Variants in SMYD3 observed in about 807,000 individuals in gnomAD.
SMYD3 encodes the protein SET and MYND domain containing 3, also known as histone-lysine N-methyltransferase SMYD3.
SMYD3 carries 36 observed loss-of-function variants against 57.7 expected under a neutral mutation model. The observed-to-expected ratio is 0.62, with a 90% confidence interval of 0.48 to 0.82. SMYD3 has a LOEUF of 0.82. Ranked by LOEUF, SMYD3 falls within the 40% of genes least tolerant of loss-of-function variation. The probability of loss-of-function intolerance (pLI) is 0.00; values close to 1 mark genes in which losing one functional copy is unlikely to be tolerated. For synonymous variants in SMYD3, 211 were observed against 195.0 expected, an observed-to-expected ratio of 1.08 and a Z score of -0.68; for missense variants, 515 against 538.8, an observed-to-expected ratio of 0.96 and a Z score of 0.44.
rs2064355136 is a variant in SMYD3 at position 246,277,357 on chromosome 1, T to C, written c.531+49844A>G. 2.0e-5 allele frequency among the ~76,000 whole-genome samples: 3 copies of C among 152,092 alleles called. 1 individual carries two copies. The South Asian group carries it at 6.2e-4, about 32-fold the overall frequency. On this transcript the variant is annotated intron_variant, in intron 5 of 11. Transcript: ENST00000490107. ...TGGCTAAAATTAAAAAGAGACTACA[T>C]CAAATGCTGGTGAAGGTGCGGAGCA...
intron 5 of SMYD3, among the ~76,000 whole-genome samples, chr1:246,012,358 G>C (rs1045873519): frequency 2.0e-5 from 3 of 152,216 alleles, no homozygotes; most frequent in Non-Finnish European, 4.4e-5. Flanking sequence ...TAAATAAGTA[G>C]AGTTTCCACG....
intron 5 of SMYD3, among the ~76,000 whole-genome samples, chr1:246,052,076 T>G (rs2060075438): frequency 1.3e-5 from 2 of 152,192 alleles, no homozygotes; most frequent in African/African-American, 4.8e-5. Context: ...GATTATAAAC[T>G]GCAACATAAA....
intron 10 of SMYD3, among the ~76,000 whole-genome samples, chr1:245,824,688 T>C (rs879357454): frequency 6.6e-6 from 1 of 152,094 alleles, no homozygotes; most frequent in Non-Finnish European, 1.5e-5. Flanking sequence ...AAACCCTGTT[T>C]CTACTAAAAA....
intron 5 of SMYD3, among the ~76,000 whole-genome samples, chr1:246,161,744 A>G (rs1469499469): frequency 6.6e-6 from 1 of 152,220 alleles, no homozygotes; most frequent in Non-Finnish European, 1.5e-5. Context: ...CAATGACAGT[A>G]TATTTCAAAT....
chr1:246,465,882 G>T (rs1385674181), intron 1 of SMYD3, among the ~76,000 whole-genome samples: 1 of 152,032 alleles, frequency 6.6e-6, no homozygotes. Context: ...AGCAATTCTC[G>T]TGCGCCTGCC....
chr1:245,954,121 C>G (rs1045547245), intron 5 of SMYD3, among the ~76,000 whole-genome samples: 1 of 152,198 alleles, frequency 6.6e-6, no homozygotes, highest in South Asian at 2.1e-4. Context: ...AAATGCTCAG[C>G]GTCCTAAGGG....
At chr1:246,400,712 T>C (rs2066753169) in intron 1 of SMYD3, among the ~76,000 whole-genome samples, 1 of 152,126 alleles carries the variant, frequency 6.6e-6, no homozygotes, top group South Asian at 2.1e-4. Context: ...GTAGTTGAGA[T>C]ACAAGACTTG....
rs530671196 is a variant in SMYD3, at chr1:246,233,799, T to A, written c.531+93402A>T. ...AACGCTCCTTCAATTCACACTGTGA[T>A]GAACATATACCACACAGAGGAGAAG... On this transcript the variant is annotated intron_variant, in intron 5 of 11. Coordinates refer to ENST00000490107, the MANE Select transcript of SMYD3 (RefSeq NM_001167740.2). Among the ~76,000 whole-genome samples the A allele has an allele frequency of 2.4e-5, 3 of 126,388 alleles. No homozygotes were observed. The East Asian group carries it at 1.2e-3, about 51-fold the overall frequency. 82.9% of individuals were successfully genotyped at this position (126,388 alleles called of 152,430 possible).
chr1:246,304,251 A>C (rs923593796), intron 5 of SMYD3, among the ~76,000 whole-genome samples: 1 of 152,348 alleles, frequency 6.6e-6, no homozygotes, highest in Non-Finnish European at 1.5e-5. Flanking sequence ...ACTCCTATAT[A>C]GCACACGTAC....
chr1:246,080,282 A>T (rs974783384), intron 5 of SMYD3, among the ~76,000 whole-genome samples: 1 of 151,982 alleles, frequency 6.6e-6, no homozygotes, highest in African/African-American at 2.4e-5. Flanking sequence ...GCAGCACTGG[A>T]TTCTCATGGA....
At chr1:246,265,112 A>G (rs1490148286) in intron 5 of SMYD3, among the ~76,000 whole-genome samples, 1 of 152,158 alleles carries the variant, frequency 6.6e-6, no homozygotes, top group Non-Finnish European at 1.5e-5. Context: ...TTGACAATGG[A>G]TCAGACTGAA....
intron 5 of SMYD3, among the ~76,000 whole-genome samples, chr1:246,088,356 T>A (rs1464840658): frequency 2.0e-5 from 3 of 151,910 alleles, no homozygotes; most frequent in Non-Finnish European, 4.4e-5. Flanking sequence ...ACGCCTGTAA[T>A]CCCAGCACTT....
chr1:246,034,797 C>CT (rs1400110631), intron 5 of SMYD3, among the ~76,000 whole-genome samples: 1 of 152,136 alleles, frequency 6.6e-6, no homozygotes, highest in Non-Finnish European at 1.5e-5. Context: ...AGGACCGCGG[C>CT]AATCCTTAGT....
At chr1:245,753,505 G>A (rs2045481407) in intron 11 of SMYD3, among the ~76,000 whole-genome samples, 2 of 152,226 alleles carry the variant, frequency 1.3e-5, no homozygotes, top group South Asian at 2.1e-4. Flanking sequence ...TGGTGATGAG[G>A]ACATCTGGTC....
At chr1:246,267,273 A>G (rs779115771) in intron 5 of SMYD3, among the ~76,000 whole-genome samples, 4 of 152,252 alleles carry the variant, frequency 2.6e-5, no homozygotes, top group Non-Finnish European at 4.4e-5. Flanking sequence ...GCAAATGGTC[A>G]TGCATTAACA....
intron 7 of SMYD3, among the ~76,000 whole-genome samples, chr1:245,927,390 A>C (rs559358324): frequency 6.6e-6 from 1 of 152,372 alleles, no homozygotes; most frequent in African/African-American, 2.4e-5. Flanking sequence ...ATCTTTGCTG[A>C]AATGATCACC....
chr1:245,806,806 A>G (rs920887041), intron 10 of SMYD3, among the ~76,000 whole-genome samples: 1 of 147,026 alleles, frequency 6.8e-6, no homozygotes, highest in Middle Eastern at 3.3e-3. Context: ...GCTACTCGGG[A>G]GGCTGAGGCA....
intron 5 of SMYD3, among the ~76,000 whole-genome samples, chr1:246,265,127 C>G (rs550345108): frequency 1.3e-5 from 2 of 152,138 alleles, no homozygotes; most frequent in Non-Finnish European, 2.9e-5. Context: ...ACTGAAGCTT[C>G]TGGTCAGTGT....
chr1:245,952,405 T>C (rs1037670662), intron 5 of SMYD3, among the ~76,000 whole-genome samples: 4 of 152,008 alleles, frequency 2.6e-5, no homozygotes, highest in Non-Finnish European at 2.9e-5. Flanking sequence ...GAATTACCGA[T>C]TGTAATAAAG....
Sources: allele counts gnomAD v4.1 joint callset (sites outside exome capture counted in the v4.1 genomes callset), GRCh38; gene constraint gnomAD v4.1.1; transcripts MANE v1.5; gene names NCBI Gene and HGNC (gene_info 2026-07-23, HGNC 2026-07-21).